PIK3AP1: variants seen among roughly 807,000 people sequenced by gnomAD.
PIK3AP1 encodes the protein phosphoinositide 3-kinase adapter protein 1.
Under a neutral mutation model 88.1 loss-of-function variants are expected in PIK3AP1, and 21 were observed. The ratio of observed to expected loss-of-function variants is 0.24; its 90% CI spans 0.17 to 0.34. PIK3AP1 has a LOEUF of 0.34. PIK3AP1 is among the 10% of genes least tolerant of loss of function. The pLI is 1.00. For missense variants in PIK3AP1, 828 were observed against 1,035.7 expected (o/e 0.80, Z 2.75); for synonymous variants, 398 against 400.0 (o/e 1.00, Z 0.06).
chr10:96,664,208 A>G (rs754908506), intron 2 of PIK3AP1, among the ~76,000 whole-genome samples: 4 of 152,246 alleles, frequency 2.6e-5, no homozygotes, highest in African/African-American at 4.8e-5. Context: ...TATTAAAAAC[A>G]TTATTTTCAA....
chr10:96,660,321 T>A (rs1376912215), intron 2 of PIK3AP1, among the ~76,000 whole-genome samples: 1 of 152,100 alleles, frequency 6.6e-6, no homozygotes, highest in Admixed American at 6.5e-5. Flanking sequence ...AACAGACACT[T>A]CACCAAATAA....
At chr10:96,628,340 G>A (rs1434136221) in intron 9 of PIK3AP1, 58 bp downstream of exon 9, 3 of 1,373,402 alleles carry the variant, frequency 2.2e-6, no homozygotes, top group Non-Finnish European at 3.1e-6. Flanking sequence ...ACCAGACAAT[G>A]TCTTGCATTT....
At chr10:96,597,747 A>C (rs567207043) in intron 16 of PIK3AP1, among the ~76,000 whole-genome samples, 3 of 152,292 alleles carry the variant, frequency 2.0e-5, no homozygotes, top group South Asian at 2.1e-4. Flanking sequence ...GGCACACAAC[A>C]AGTAAAGCTA....
chr10:96,609,697 C>A lies in PIK3AP1; in HGVS notation c.2170+15G>T, dbSNP rs750243708. On this transcript the variant is annotated intron_variant, in intron 14 of 16. Coordinates refer to ENST00000339364, the MANE Select transcript of PIK3AP1 (RefSeq NM_152309.3). Reference sequence around the variant, plus strand: ...CAGTCAAGAAGACCCCACCCCCGCACCCCCAGCTGCTCACTTGCTGTGCTG... The same window carrying A: ...CAGTCAAGAAGACCCCACCCCCGCAACCCCAGCTGCTCACTTGCTGTGCTG... The A allele has an allele frequency of 9.3e-6, 15 of 1,610,822 alleles. No homozygotes were observed. The highest frequency in any genetic ancestry group is 1.3e-5 in the African/African-American group (1 of 74,752).
rs111649478 is a variant in PIK3AP1 at position 96,629,228 on chromosome 10, G to T, written c.1376-735C>A. 1.3e-3 allele frequency among the ~76,000 whole-genome samples: 201 copies of T among 152,022 alleles called. 2 individuals are homozygous for T. The highest frequency in any genetic ancestry group is 4.7e-3 in the African/African-American group (196 of 41,478). On this transcript the variant is annotated intron_variant, in intron 8 of 16. Transcript: ENST00000339364. ...CATGGTATGATATTGTTTATATAAG[G>T]TTCTAAGGCCTACAAAAATATAGTA...
chr10:96,609,829 G>C lies in PIK3AP1; in HGVS notation c.2053C>G (p.Leu685Val), dbSNP rs535286202. 6.2e-7 allele frequency: 1 copy of C among 1,614,174 alleles called. No individual in the cohort carries two copies. The highest frequency in any genetic ancestry group is 1.3e-5 in the African/African-American group (1 of 75,056). The change falls in exon 14 of 17, where the codon CTG becomes GTG. Residue 685 changes from leucine (L) to valine (V), a missense_variant. By Grantham distance (32) the Leu-to-Val change is conservative. Around this residue, in one of 3 missense-constraint regions of PIK3AP1, gnomAD observed 191 missense variants for 208.6 expected, o/e 0.92. Coordinates refer to ENST00000339364, the MANE Select transcript of PIK3AP1 (RefSeq NM_152309.3). ...ACTCCAAACTCCACTTTTGCAGGCA[G>C]GTGCTGTGAGTGCCGAATTGGGACC... Reference protein sequence around the residue: ...ITVPIRHSQHLPAKVEFGVYE... With the variant: ...ITVPIRHSQHVPAKVEFGVYE...
At chr10:96,600,527 G>A (rs941747732) in intron 16 of PIK3AP1, among the ~76,000 whole-genome samples, 6 of 152,172 alleles carry the variant, frequency 3.9e-5, no homozygotes, top group African/African-American at 1.2e-4. Context: ...AAGCATGCCC[G>A]GTGGGTGTGG....
chr10:96,678,490 G>A (rs371876650), intron 2 of PIK3AP1, among the ~76,000 whole-genome samples: 43 of 151,966 alleles, frequency 2.8e-4, no homozygotes, highest in African/African-American at 9.9e-4. Context: ...GGTTGGTCTC[G>A]AACTCCTGGG....
chr10:96,719,538 G>A (rs1166732404), intron 1 of PIK3AP1, among the ~76,000 whole-genome samples: 2 of 152,200 alleles, frequency 1.3e-5, no homozygotes, highest in African/African-American at 4.8e-5. Context: ...AACTCCTGGA[G>A]AGCAGAGACT....
chr10:96,620,704 A>G, intron 11 of PIK3AP1, 147 bp from the exon 12 acceptor site: 1 of 662,244 alleles, frequency 1.5e-6, no homozygotes, highest in South Asian at 1.9e-5. Context: ...GAGATACAAC[A>G]TAAAATCAGG....
At chr10:96,609,908 G>A in intron 13 of PIK3AP1, 41 bp from the exon 14 acceptor site, 1 of 1,603,420 alleles carries the variant, frequency 6.2e-7, no homozygotes, top group South Asian at 1.1e-5. Flanking sequence ...CAAGATACCA[G>A]ACTGTCACCT....
chr10:96,657,886 A>T (rs1462529948), intron 2 of PIK3AP1, among the ~76,000 whole-genome samples: 1 of 152,098 alleles, frequency 6.6e-6, no homozygotes, highest in Non-Finnish European at 1.5e-5. Flanking sequence ...CAACATGGTG[A>T]AACCCCGTCT....
chr10:96,705,487 T>A (rs940693713), intron 2 of PIK3AP1, among the ~76,000 whole-genome samples: 4 of 152,094 alleles, frequency 2.6e-5, no homozygotes, highest in Non-Finnish European at 5.9e-5. Flanking sequence ...AAAATTTGTC[T>A]CCCTGTAGTT....
intron 13 of PIK3AP1, among the ~76,000 whole-genome samples, chr10:96,615,567 G>A (rs2134195882): frequency 6.6e-6 from 1 of 152,236 alleles, no homozygotes; most frequent in African/African-American, 2.4e-5. Flanking sequence ...TGAGGTGATA[G>A]CAACCAGAGA....
chr10:96,623,521 A>G lies in PIK3AP1; in HGVS notation c.1686T>C (p.Ser562=), dbSNP rs373634487. 6.2e-7 allele frequency: 1 copy of G among 1,610,386 alleles called. No individual in the cohort carries two copies. The highest frequency in any genetic ancestry group is 1.3e-5 in the African/African-American group (1 of 74,848). Residue 562 remains serine (S), a synonymous_variant, in exon 11 of 17, where the codon AGT becomes AGC. Transcript: ENST00000339364. ...CGTAGAAATTCCCAGGCCGCTCTTG[A>G]CTTTTTTCTGCAAAAACTATGAGAT... is the stretch of plus-strand genomic sequence containing the variant. ...PYIFKVFAEK[S]QERPGNFYVS...
At chr10:96,643,941 G>C (rs1453332983) in intron 8 of PIK3AP1, among the ~76,000 whole-genome samples, 1 of 152,214 alleles carries the variant, frequency 6.6e-6, no homozygotes, top group Non-Finnish European at 1.5e-5. Context: ...AAACCAGAGG[G>C]AAGGAGGGCT....
intron 8 of PIK3AP1, among the ~76,000 whole-genome samples, chr10:96,634,505 G>A (rs1843287836): frequency 6.6e-6 from 1 of 152,188 alleles, no homozygotes; most frequent in Non-Finnish European, 1.5e-5. Context: ...CCCTGGCTCT[G>A]ACTCTTACTA....
chr10:96,717,996 T>G (rs1844525066), intron 1 of PIK3AP1, among the ~76,000 whole-genome samples: 1 of 152,186 alleles, frequency 6.6e-6, no homozygotes, highest in South Asian at 2.1e-4. Flanking sequence ...GAAGTACTGA[T>G]ATAAGCTACA....
At chr10:96,712,494 A>AT (rs111779755) in intron 1 of PIK3AP1, among the ~76,000 whole-genome samples, 1,662 of 151,048 alleles carry the variant, frequency 0.011, 31 homozygotes, top group African/African-American at 0.036. Context: ...TGCTGCTTGG[A>AT]TTTTTTTTTT....
Sources: gnomAD v4.1 joint callset for allele counts (sites outside exome capture counted in the v4.1 genomes callset) on GRCh38, gnomAD v4.1.1 for gene constraint, gnomAD v4.1.1 regional missense constraint, MANE v1.5 for transcripts, NCBI Gene and HGNC (gene_info 2026-07-23, HGNC 2026-07-21) for gene names.